Variants in WDR72 observed in about 807,000 individuals in gnomAD.
WDR72 encodes the protein WD repeat-containing protein 72.
A neutral mutation model predicts 124.2 loss-of-function variants in WDR72; 120 were observed. The observed-to-expected ratio is 0.97, with a 90% CI of 0.83 to 1.12. The LOEUF (loss-of-function observed/expected upper bound fraction) is 1.12. Among genes scored for constraint, WDR72 ranks in the 50% most tolerant of loss-of-function variants. WDR72 has a pLI of 0.00. For synonymous variants in WDR72, 452 were observed against 441.7 expected (o/e 1.02, Z -0.29); for missense variants, 1,387 against 1,278.8 (o/e 1.08, Z -1.29).
chr15:53,748,284 C>G (rs753871019), intron 1 of WDR72, among the ~76,000 whole-genome samples: 2 of 152,026 alleles, frequency 1.3e-5, no homozygotes, highest in African/African-American at 4.8e-5. Flanking sequence ...TTCCCATATC[C>G]AAAAACAATC....
intron 18 of WDR72, among the ~76,000 whole-genome samples, chr15:53,557,330 A>T (rs1893966967): frequency 6.6e-6 from 1 of 152,078 alleles, no homozygotes; most frequent in Non-Finnish European, 1.5e-5. Flanking sequence ...GGAGAAAAAA[A>T]CTGACTGCTG....
chr15:53,591,532 A>C (rs1167132402), intron 18 of WDR72, among the ~76,000 whole-genome samples: 1 of 152,094 alleles, frequency 6.6e-6, no homozygotes, highest in Non-Finnish European at 1.5e-5. Context: ...GGAGCTCTGA[A>C]ATACGCATCA....
At chr15:53,583,320 G>A (rs567116976) in intron 18 of WDR72, among the ~76,000 whole-genome samples, 1 of 152,032 alleles carries the variant, frequency 6.6e-6, no homozygotes, top group Non-Finnish European at 1.5e-5. Context: ...CTAATCATTT[G>A]AAAATAACTC....
intron 14 of WDR72, among the ~76,000 whole-genome samples, chr15:53,644,616 C>T (rs1036968282): frequency 8.1e-5 from 12 of 147,790 alleles, no homozygotes; most frequent in African/African-American, 3.2e-4. Context: ...ATAATAGGAA[C>T]AAAAAGAATC....
chr15:53,606,462 C>G (rs1249569479), intron 17 of WDR72, among the ~76,000 whole-genome samples: 1 of 152,116 alleles, frequency 6.6e-6, no homozygotes, highest in Non-Finnish European at 1.5e-5. Context: ...CTTTTCTGGG[C>G]ATTGGTAAGA....
chr15:53,761,433 A>T (rs2019062260), upstream of WDR72, among the ~76,000 whole-genome samples: 1 of 152,200 alleles, frequency 6.6e-6, no homozygotes, highest in Non-Finnish European at 1.5e-5. Flanking sequence ...AATAAAAATA[A>T]AACTACCATA....
At chr15:53,625,810 A>T (rs2014183274) in intron 14 of WDR72, among the ~76,000 whole-genome samples, 2 of 151,960 alleles carry the variant, frequency 1.3e-5, no homozygotes, top group Admixed American at 1.3e-4. Context: ...AAAAAAAAAA[A>T]ATGTAATAGG....
At chr15:53,598,546 A>T (rs2140341605) in intron 17 of WDR72, among the ~76,000 whole-genome samples, 1 of 152,262 alleles carries the variant, frequency 6.6e-6, no homozygotes, top group African/African-American at 2.4e-5. Context: ...GGGACATCCA[A>T]CGAGCTTATT....
At chr15:53,528,445 G>A (rs1421918557) in intron 18 of WDR72, among the ~76,000 whole-genome samples, 2 of 152,014 alleles carry the variant, frequency 1.3e-5, no homozygotes, top group East Asian at 3.9e-4. Context: ...TTACAGACAA[G>A]TTTAGCAAGA....
chr15:53,732,913 T>C (rs962362178), intron 2 of WDR72, 84 bp downstream of exon 2: 6 of 1,518,052 alleles, frequency 4.0e-6, no homozygotes, highest in African/African-American at 2.7e-5. Flanking sequence ...CATGCAAACC[T>C]TCCACTGTCA....
rs553497480 is a variant in WDR72 at position 53,714,697 on chromosome 15, A to C, written c.515-187T>G. Among the ~76,000 whole-genome samples the C allele has an allele frequency of 3.3e-5, 5 of 152,326 alleles. No homozygotes were observed. In the East Asian group the frequency reaches 7.7e-4, roughly 24 times the overall value. ...GCTCCAAATCTGTTTTAAAATTTCA[A>C]AGTGATTCCTAGGTATAAGAAGAGC... is the stretch of plus-strand genomic sequence containing the variant. On this transcript the variant is annotated intron_variant, in intron 5 of 19. Transcript: ENST00000360509.
At chr15:53,722,444 G>T (rs2017903491) in intron 3 of WDR72, among the ~76,000 whole-genome samples, 1 of 152,174 alleles carries the variant, frequency 6.6e-6, no homozygotes, top group South Asian at 2.1e-4. Flanking sequence ...AGCTCAAAGT[G>T]TGTTACTACA....
At chr15:53,720,148 A>C (rs999462234) in intron 3 of WDR72, among the ~76,000 whole-genome samples, 4 of 152,072 alleles carry the variant, frequency 2.6e-5, no homozygotes, top group Admixed American at 2.0e-4. Flanking sequence ...TTTTTAATTA[A>C]AAGTTACATA....
intron 1 of WDR72, among the ~76,000 whole-genome samples, chr15:53,747,401 C>T (rs576640536): frequency 6.6e-6 from 1 of 152,288 alleles, no homozygotes; most frequent in African/African-American, 2.4e-5. Context: ...AATGTTGTTA[C>T]TGAGTAATTA....
intron 18 of WDR72, among the ~76,000 whole-genome samples, chr15:53,588,897 C>T (rs1440674414): frequency 6.6e-6 from 1 of 151,812 alleles, no homozygotes; most frequent in Non-Finnish European, 1.5e-5. Flanking sequence ...GCAAAGAGGG[C>T]TCTGTGTCAG....
rs1031756 is a variant in WDR72, at chr15:53,659,351, G to A, written c.1962+6221C>T. 8.9e-4 allele frequency among the ~76,000 whole-genome samples: 136 copies of A among 151,996 alleles called. 1 individual carries two copies. The highest frequency in any genetic ancestry group is 3.1e-3 in the African/African-American group (130 of 41,458). ...CCTTCCGTTGCTGGCACTCCCCACCGGCACGTGCTGCACAAAGCCAGACTT... is the reference window on the plus strand; with the variant it reads ...CCTTCCGTTGCTGGCACTCCCCACCAGCACGTGCTGCACAAAGCCAGACTT... On this transcript the variant is annotated intron_variant, in intron 14 of 19. Coordinates refer to ENST00000360509, the MANE Select transcript of WDR72 (RefSeq NM_182758.4).
At chr15:53,759,251 A>G (rs1037392323) in intron 1 of WDR72, 2 of 152,184 alleles carry the variant, frequency 1.3e-5, no homozygotes, top group African/African-American at 4.8e-5. Context: ...TAGAAGTCCA[A>G]TTCCCAAGTT....
chr15:53,584,553 A>G (rs2012099639), intron 18 of WDR72, among the ~76,000 whole-genome samples: 1 of 152,188 alleles, frequency 6.6e-6, no homozygotes, highest in African/African-American at 2.4e-5. Context: ...CAAATAAAAC[A>G]CTAAATAGAT....
In WDR72 at chr15:53,735,213, C is replaced by T. The variant is rs376635465; in HGVS notation, c.-12-2052G>A. On this transcript the variant is annotated intron_variant, in intron 1 of 19. Transcript: ENST00000360509. ...GGCTGAGGTGGGGAAATCACTTGAA[C>T]CCAGGAGGTGGAGGTTGCAGTGAGC... Among the ~76,000 whole-genome samples, 8 of 152,182 alleles carry T rather than the reference C, an allele frequency of 5.3e-5. No individual in the cohort carries two copies. The East Asian group carries it at 7.7e-4, about 15-fold the overall frequency.
Sources: gnomAD v4.1 joint callset for allele counts (sites outside exome capture counted in the v4.1 genomes callset) on GRCh38, gnomAD v4.1.1 for gene constraint, MANE v1.5 for transcripts, NCBI Gene and HGNC (gene_info 2026-07-23, HGNC 2026-07-21) for gene names.